SERPINA5: variants seen among roughly 807,000 people sequenced by gnomAD.
SERPINA5 encodes the protein plasma serine protease inhibitor.
In SERPINA5, 25 loss-of-function variants were observed where a neutral mutation model predicts 25.3. The observed-to-expected ratio is 0.99, with a 90% confidence interval of 0.72 to 1.38. The LOEUF is 1.38. Among genes scored for constraint, SERPINA5 ranks in the 40% most tolerant of loss-of-function variants. The pLI is 0.00. For missense variants in SERPINA5, 599 were observed against 509.5 expected (o/e 1.18, Z -1.69); for synonymous variants, 234 against 206.2 (o/e 1.14, Z -1.16).
Position 94,587,475 on chromosome 14 carries a change from C to G in SERPINA5, c.113C>G (p.Ala38Gly), listed in dbSNP as rs1267092069. The change falls in exon 3 of 6, where the codon GCC becomes GGC. Residue 38 changes from alanine to glycine, a missense_variant. Ala to Gly is a moderately conservative substitution (Grantham distance 60, BLOSUM62 0). Transcript: ENST00000329597. Reference sequence around the variant, plus strand: ...AGAGTCGAGGACCTCCATGTAGGTGCCACGGTGGCCCCCAGCAGCAGAAGG... The same window carrying G: ...AGAGTCGAGGACCTCCATGTAGGTGGCACGGTGGCCCCCAGCAGCAGAAGG... ...KKRVEDLHVG[A>G]TVAPSSRRDF... 1.1e-5 allele frequency: 18 copies of G among 1,614,092 alleles called. No homozygotes were observed. Among genetic ancestry groups the G allele is most frequent in the Non-Finnish European group, 1.4e-5 (16 of 1,180,052 alleles).
intron 5 of SERPINA5, among the ~76,000 whole-genome samples, chr14:94,591,195 C>T (rs890414419): frequency 6.8e-6 from 1 of 147,930 alleles, no homozygotes; most frequent in African/African-American, 2.5e-5. Flanking sequence ...CCACTCTACT[C>T]CTCCACTCCA....
chr14:94,590,224 T>C lies in SERPINA5; in HGVS notation c.803T>C (p.Ile268Thr). Residue 268 changes from isoleucine (I) to threonine (T), a missense_variant, in exon 4 of 6, where the codon ATT (isoleucine) becomes ACT (threonine). Ile to Thr is a moderately conservative substitution (Grantham distance 89, BLOSUM62 -1). Coordinates refer to ENST00000329597, the MANE Select transcript of SERPINA5 (RefSeq NM_000624.6). ...PYQGNATALF[I>T]LPSEGKMQQV... ...CAAGGCAATGCCACGGCTTTGTTCA[T>C]TCTCCCCAGTGAGGGAAAGATGCAG... The C allele has an allele frequency of 2.5e-6, 4 of 1,614,040 alleles. No homozygotes were observed. The South Asian group carries it at 4.4e-5, about 18-fold the overall frequency.
At chr14:94,581,751 A>C (rs1884924939) in intron 2 of SERPINA5, 41 bp downstream of exon 2, 1 of 152,116 alleles carries the variant, frequency 6.6e-6, no homozygotes, top group African/African-American at 2.4e-5. Context: ...GGTGTGACTG[A>C]AGATTAAATA....
At chr14:94,589,427 C>T (rs1349752149) in intron 3 of SERPINA5, among the ~76,000 whole-genome samples, 1 of 149,552 alleles carries the variant, frequency 6.7e-6, no homozygotes, top group Non-Finnish European at 1.5e-5. Flanking sequence ...CAGCATGGGT[C>T]ACAGAGCGAG....
chr14:94,590,726 GA>G, intron 4 of SERPINA5, 22 bp from the exon 5 acceptor site: 1 of 1,611,374 alleles, frequency 6.2e-7, no homozygotes, highest in Non-Finnish European at 8.5e-7. Context: ...AACAGTCTAA[GA>G]AAGCTCCTTT....
intron 5 of SERPINA5, 106 bp downstream of exon 5, chr14:94,591,002 C>A (rs1223618735): frequency 1.0e-6 from 1 of 999,032 alleles, no homozygotes; most frequent in Non-Finnish European, 1.4e-6. Flanking sequence ...CTCAACTCCA[C>A]TCCACTCCAC....
At chr14:94,588,612 T>G (rs1885176329) in intron 3 of SERPINA5, among the ~76,000 whole-genome samples, 1 of 152,114 alleles carries the variant, frequency 6.6e-6, no homozygotes, top group African/African-American at 2.4e-5. Context: ...TGGGAAGGGT[T>G]GCGAAGGAAG....
chr14:94,589,481 G>GAAATA (rs1197872370), intron 3 of SERPINA5, among the ~76,000 whole-genome samples: 1 of 151,838 alleles, frequency 6.6e-6, no homozygotes, highest in Non-Finnish European at 1.5e-5. Flanking sequence ...AAGAAAAAAA[G>GAAATA]AAATAAAATA....
intron 2 of SERPINA5, among the ~76,000 whole-genome samples, chr14:94,584,785 G>C (rs934608518): frequency 5.3e-5 from 8 of 152,336 alleles, no homozygotes; most frequent in East Asian, 1.9e-4. Context: ...GTGACCCTGT[G>C]GGGGGTTGAG....
chr14:94,586,380 A>G (rs960205398), intron 2 of SERPINA5, among the ~76,000 whole-genome samples: 4 of 152,224 alleles, frequency 2.6e-5, no homozygotes, highest in African/African-American at 9.6e-5. Flanking sequence ...TTAAGGCACC[A>G]GCAGGATTTG....
chr14:94,590,086 A>ACTT lies in SERPINA5; in HGVS notation c.668_670dup (p.Phe223dup). On this transcript the variant is annotated inframe_insertion, in exon 4 of 6. Transcript: ENST00000329597. The stretch of plus-strand genomic sequence containing the variant: ...AACCACAAAGGCACCCAAGAGCAAG[A>ACTT]CTTCTACGTGACCTCGGAGACTGTG... 6.2e-7 allele frequency: 1 copy of ACTT among 1,610,542 alleles called. No individual in the cohort carries two copies. The highest frequency in any genetic ancestry group is 8.5e-7 in the Non-Finnish European group (1 of 1,177,314).
intron 2 of SERPINA5, chr14:94,587,082 C>G: frequency 2.4e-6 from 1 of 421,486 alleles, no homozygotes; most frequent in Non-Finnish European, 4.2e-6. Context: ...GATGGGTAGA[C>G]AGGATTCCTG....
In SERPINA5 at chr14:94,592,265, G is replaced by T; in HGVS notation, c.*26G>T. On this transcript the variant is annotated 3_prime_UTR_variant, in exon 6 of 6. Coordinates refer to ENST00000329597, the MANE Select transcript of SERPINA5 (RefSeq NM_000624.6). ...GGTGGGGCTTCTCCTGAAATCTACA[G>T]GCCTCAGGGTGGGAGATGAAGGGGG... is the stretch of plus-strand genomic sequence containing the variant. The T allele has an allele frequency of 6.2e-7, 1 of 1,600,790 alleles. No homozygotes were observed.
At chr14:94,590,932 G>T (rs878920560) in intron 5 of SERPINA5, 36 bp downstream of exon 5, 1 of 1,569,090 alleles carries the variant, frequency 6.4e-7, no homozygotes, top group Non-Finnish European at 8.7e-7. Context: ...TGCTTCCCAA[G>T]GTCTATTCTG....
chr14:94,591,589 A>ATTCTATTCTATTCTG lies in SERPINA5; in HGVS notation c.1039-454_1039-453insGTTCTATTCTATTCT, dbSNP rs1885301827. On this transcript the variant is annotated intron_variant, in intron 5 of 5. Coordinates refer to ENST00000329597, the MANE Select transcript of SERPINA5 (RefSeq NM_000624.6). ...ATTCTATTCTATTCTATTCTATTCT[A>ATTCTATTCTATTCTG]TTCTATTCTATTCTATTCTATTCTC... Among the ~76,000 whole-genome samples, 3 of 148,394 alleles carry ATTCTATTCTATTCTG rather than the reference A, an allele frequency of 2.0e-5. No individual in the cohort carries two copies. In the South Asian group the frequency reaches 6.3e-4, roughly 31 times the overall value.
At position 94,590,326 on chromosome 14, in the gene SERPINA5, C is replaced by T. The variant is rs954410053; in HGVS notation, c.890+15C>T. On this transcript the variant is annotated intron_variant, in intron 4 of 5. Transcript: ENST00000329597. ...TTCAAAAAGAGGTACTTTCAGACTA[C>T]CCCAGGGCCAGCCTAAACCCACACA... is the stretch of plus-strand genomic sequence containing the variant. 48 of 1,573,828 alleles carry T rather than the reference C, an allele frequency of 3.0e-5. No individual in the cohort carries two copies. Among genetic ancestry groups the T allele is most frequent in the Non-Finnish European group, 4.0e-5 (46 of 1,157,196 alleles).
chr14:94,584,582 C>A (rs149993617), intron 2 of SERPINA5, among the ~76,000 whole-genome samples: 135 of 152,156 alleles, frequency 8.9e-4, no homozygotes, highest in African/African-American at 3.0e-3. Context: ...GTGTCCACAA[C>A]ACATGGCAGA....
Position 94,593,085 on chromosome 14 carries a change from T to C in SERPINA5, c.*846T>C, listed in dbSNP as rs1885354216. 1 of 152,212 alleles carries C rather than the reference T, an allele frequency of 6.6e-6. No individual in the cohort carries two copies. The highest frequency in any genetic ancestry group is 2.4e-5 in the African/African-American group (1 of 41,452). 9.4% of individuals were successfully genotyped at this position (152,212 alleles called of 1,614,324 possible). A position where few individuals can be genotyped will look rare whatever the true frequency, so the allele number is the denominator to read the frequency against. ...AATGACTAACTTTTTGAATTCTATG[T>C]TGGCATTAACAATAAAGCATTTTGC... On this transcript the variant is annotated 3_prime_UTR_variant, in exon 6 of 6. Transcript: ENST00000329597.
At chr14:94,584,159 C>G (rs885786) in intron 2 of SERPINA5, among the ~76,000 whole-genome samples, 85,818 of 152,018 alleles carry the variant, frequency 0.56, 25,004 homozygotes, top group East Asian at 0.7. Context: ...CACTCAGAGA[C>G]AGGCTGTGCA....
Sources: gnomAD v4.1 joint callset for allele counts (sites outside exome capture counted in the v4.1 genomes callset) on GRCh38, gnomAD v4.1.1 for gene constraint, MANE v1.5 for transcripts, NCBI Gene and HGNC (gene_info 2026-07-23, HGNC 2026-07-21) for gene names.